The following NCAM2 variants were observed in gnomAD, a reference collection of about 807,000 sequenced individuals.
The protein encoded by NCAM2 is neural cell adhesion molecule 2, also known as N-CAM-2.
Under a neutral mutation model 98.1 loss-of-function variants are expected in NCAM2, and 30 were observed. The observed-to-expected ratio is 0.31, with a 90% CI of 0.23 to 0.41. NCAM2 has a LOEUF of 0.41. Among genes scored for constraint, NCAM2 ranks in the 10% least tolerant of loss-of-function variants. The pLI, the probability that NCAM2 is intolerant of heterozygous loss-of-function variation, is 1.00. For synonymous variants in NCAM2, 368 were observed against 342.4 expected (o/e 1.07, Z -0.83); for missense variants, 867 against 1,005.8 (o/e 0.86, Z 1.87).
chr21:21,489,895 A>G (rs899498712), intron 15 of NCAM2, among the ~76,000 whole-genome samples: 3 of 149,238 alleles, frequency 2.0e-5, no homozygotes, highest in Non-Finnish European at 4.5e-5. Context: ...TAAAGTTAAT[A>G]TGGTTTGTCT....
At chr21:21,226,224 G>T (rs550798354) in intron 1 of NCAM2, among the ~76,000 whole-genome samples, 1 of 152,032 alleles carries the variant, frequency 6.6e-6, no homozygotes, top group African/African-American at 2.4e-5. Flanking sequence ...CTACTGGGAC[G>T]ACAGGATTAT....
chr21:21,380,517 C>T (rs902643839), intron 9 of NCAM2, among the ~76,000 whole-genome samples: 2 of 151,314 alleles, frequency 1.3e-5, no homozygotes, highest in African/African-American at 4.9e-5. Context: ...ATGTGTGGGT[C>T]GGGCTGTGTT....
chr21:21,243,903 A>C (rs573313501), intron 1 of NCAM2, among the ~76,000 whole-genome samples: 1 of 152,216 alleles, frequency 6.6e-6, no homozygotes. Flanking sequence ...ATAAACAGCC[A>C]TGATTCTAGT....
chr21:21,237,943 G>A (rs1030470986), intron 1 of NCAM2, among the ~76,000 whole-genome samples: 2 of 115,108 alleles, frequency 1.7e-5, no homozygotes, highest in Non-Finnish European at 3.4e-5. Context: ...CCAGGGCATT[G>A]TAATTCTTTT....
At position 21,492,835 on chromosome 21, in the gene NCAM2, T is replaced by C. The variant is rs186630031; in HGVS notation, c.2077+15364T>C. On this transcript the variant is annotated intron_variant, in intron 15 of 17. Coordinates refer to ENST00000400546, the MANE Select transcript of NCAM2 (RefSeq NM_004540.5). The stretch of plus-strand genomic sequence containing the variant: ...ATTCAAGATAGAGGACTTTATTTTT[T>C]CTGTTTAAATGTGGTTAAATAAAAA... Among the ~76,000 whole-genome samples, 9 of 152,070 alleles carry C rather than the reference T, an allele frequency of 5.9e-5. No homozygotes were observed. The East Asian group carries it at 1.7e-3, about 29-fold the overall frequency.
intron 1 of NCAM2, among the ~76,000 whole-genome samples, chr21:21,260,479 A>C (rs1261081919): frequency 6.6e-6 from 1 of 152,108 alleles, no homozygotes; most frequent in Admixed American, 6.5e-5. Flanking sequence ...CTATGAAGGA[A>C]ATCTCATCAG....
intron 1 of NCAM2, among the ~76,000 whole-genome samples, chr21:21,263,112 A>C (rs1021554899): frequency 2.6e-5 from 4 of 152,124 alleles, no homozygotes; most frequent in African/African-American, 9.7e-5. Flanking sequence ...AACACTGATG[A>C]TTCCTCCAGT....
chr21:21,434,129 A>G (rs2077415592), intron 12 of NCAM2, among the ~76,000 whole-genome samples: 1 of 152,222 alleles, frequency 6.6e-6, no homozygotes. Flanking sequence ...GAGGCAGATC[A>G]CTATGTTTAT....
chr21:21,331,545 C>CATATATATATACTCT (rs1568942437), intron 6 of NCAM2, among the ~76,000 whole-genome samples: 52 of 342 alleles, frequency 0.15, 22 homozygotes, highest in Non-Finnish European at 0.33. Context: ...ACTCTATATA[C>CATATATATATACTCT]ATATATATAT....
intron 1 of NCAM2, among the ~76,000 whole-genome samples, chr21:21,122,125 C>T (rs1601425182): frequency 6.6e-6 from 1 of 150,570 alleles, no homozygotes; most frequent in East Asian, 2.0e-4. Flanking sequence ...TCAAAGGCAG[C>T]AAATACTGTT....
chr21:21,053,141 T>A (rs201860766), intron 1 of NCAM2, among the ~76,000 whole-genome samples: 9,070 of 152,158 alleles, frequency 0.06, 276 homozygotes, highest in East Asian at 0.096. Flanking sequence ...TGGAATTAAG[T>A]ATTATGGTAA....
chr21:21,395,096 C>T (rs1388370470), intron 9 of NCAM2, among the ~76,000 whole-genome samples: 3 of 152,096 alleles, frequency 2.0e-5, no homozygotes, highest in Admixed American at 1.3e-4. Context: ...CTTTGGCAGG[C>T]CGAGGTAGGT....
chr21:21,334,937 AATT>A (rs1447329146), intron 6 of NCAM2, among the ~76,000 whole-genome samples: 1 of 152,084 alleles, frequency 6.6e-6, no homozygotes, highest in Non-Finnish European at 1.5e-5. Flanking sequence ...TAAAGAATAA[AATT>A]ATCACATTCA....
intron 8 of NCAM2, among the ~76,000 whole-genome samples, chr21:21,367,534 CAATT>C (rs1225796546): frequency 3.3e-5 from 5 of 151,776 alleles, no homozygotes; most frequent in Non-Finnish European, 7.4e-5. Context: ...AATAAACTGT[CAATT>C]AAATAGAGTA....
At chr21:21,532,173 G>C (rs1351265035) in intron 16 of NCAM2, among the ~76,000 whole-genome samples, 1 of 151,706 alleles carries the variant, frequency 6.6e-6, no homozygotes, top group African/African-American at 2.4e-5. Flanking sequence ...TTGGTAACTG[G>C]TTAAATATAT....
chr21:21,189,378 A>C (rs923815705), intron 1 of NCAM2, among the ~76,000 whole-genome samples: 4 of 152,156 alleles, frequency 2.6e-5, no homozygotes, highest in Non-Finnish European at 5.9e-5. Flanking sequence ...CTTCTAGATA[A>C]GATTTAAAAA....
intron 1 of NCAM2, among the ~76,000 whole-genome samples, chr21:21,026,346 C>CA (rs1276891880): frequency 3.9e-5 from 6 of 152,184 alleles, no homozygotes; most frequent in Non-Finnish European, 8.8e-5. Context: ...AGATTATCTC[C>CA]ATGAAAACTT....
intron 1 of NCAM2, among the ~76,000 whole-genome samples, chr21:21,050,203 A>C (rs1305360511): frequency 6.6e-6 from 1 of 152,110 alleles, no homozygotes; most frequent in African/African-American, 2.4e-5. Context: ...TTTGCATTTC[A>C]CACACTCCCT....
At chr21:21,054,688 G>C (rs1481350780) in intron 1 of NCAM2, among the ~76,000 whole-genome samples, 1 of 151,932 alleles carries the variant, frequency 6.6e-6, no homozygotes, top group Non-Finnish European at 1.5e-5. Context: ...TTAAAAGTTT[G>C]ACATAACATA....
Sources: allele counts gnomAD v4.1 joint callset (sites outside exome capture counted in the v4.1 genomes callset), GRCh38; gene constraint gnomAD v4.1.1; transcripts MANE v1.5; gene names NCBI Gene and HGNC (gene_info 2026-07-23, HGNC 2026-07-21).